Variants in BET1L observed in about 807,000 individuals in gnomAD.
The protein encoded by BET1L is BET1-like protein.
In BET1L, 13 loss-of-function variants were observed where a neutral mutation model predicts 12.6. The observed-to-expected ratio is 1.03, with a 90% CI of 0.67 to 1.64. BET1L has a LOEUF of 1.64. BET1L is among the 40% of genes most tolerant of loss of function. The pLI, the probability that BET1L is intolerant of heterozygous loss-of-function variation, is 0.00. For synonymous variants in BET1L, 60 were observed against 56.9 expected, an observed-to-expected ratio of 1.05 and a Z score of -0.25; for missense variants, 154 against 150.7, an observed-to-expected ratio of 1.02 and a Z score of -0.11.
At position 205,056 on chromosome 11, in the gene BET1L, C is replaced by CAGGGGGA; in HGVS notation, c.*245_*246insTCCCCCT. On this transcript the variant is annotated 3_prime_UTR_variant, in exon 4 of 4. Coordinates refer to ENST00000382762, the MANE Select transcript of BET1L (RefSeq NM_001098787.2). ...CCAGCTCTGCCTGGCTCTCTAGCACCTGGGGGAGGGGGGAGGGGCTGGGCC... is the reference window on the plus strand; with the variant it reads ...CCAGCTCTGCCTGGCTCTCTAGCACCAGGGGGATGGGGGAGGGGGGAGGGGCTGGGCC... 1 of 460,062 alleles carries CAGGGGGA rather than the reference C, an allele frequency of 2.2e-6. No individual in the cohort carries two copies. The highest frequency in any genetic ancestry group is 3.9e-6 in the Non-Finnish European group (1 of 257,032). 28.5% of individuals were successfully genotyped at this position (460,062 alleles called of 1,614,324 possible).
Position 207,274 on chromosome 11 carries a change from C to A in BET1L, c.19+29G>T, listed in dbSNP as rs1228463516. ...GGCGTCGGTTTCGGCCCGGCCCTGCCCCCAACGGCTCCGCTCTCCCGCGCT... is the reference window on the plus strand; with the variant it reads ...GGCGTCGGTTTCGGCCCGGCCCTGCACCCAACGGCTCCGCTCTCCCGCGCT... On this transcript the variant is annotated intron_variant, in intron 1 of 3. Transcript: ENST00000382762. The A allele has an allele frequency of 1.2e-5, 19 of 1,529,720 alleles. No homozygotes were observed. In the South Asian group the frequency reaches 2.3e-4, roughly 18 times the overall value. The allele number at this position is 1,529,720 out of a possible 1,614,324, so 94.8% of individuals were successfully genotyped here. A position where few individuals can be genotyped will look rare whatever the true frequency, so the allele number is the denominator to read the frequency against.
At position 204,489 on chromosome 11, in the gene BET1L, C is replaced by T. The variant is rs1324452742; in HGVS notation, c.*813G>A. The T allele has an allele frequency of 1.3e-5, 2 of 152,238 alleles. No homozygotes were observed. The highest frequency in any genetic ancestry group is 4.8e-5 in the African/African-American group (2 of 41,456). The allele number at this position is 152,238 out of a possible 1,614,324, so 9.4% of individuals were successfully genotyped here. ...ACCCACAGAAGCTCCCTGGCCCTGC[C>T]TGCTTTGCCTGACTCTGAAATGCCA... is the stretch of plus-strand genomic sequence containing the variant. On this transcript the variant is annotated 3_prime_UTR_variant, in exon 4 of 4. Coordinates refer to ENST00000382762, the MANE Select transcript of BET1L (RefSeq NM_001098787.2).
intron 3 of BET1L, 52 bp downstream of exon 3, chr11:205,559 A>T: frequency 1.9e-6 from 3 of 1,614,152 alleles, no homozygotes; most frequent in Non-Finnish European, 2.5e-6. Flanking sequence ...CAGGCTCTGC[A>T]GCAGGTAGTG....
In BET1L at chr11:207,285, C is replaced by A; in HGVS notation, c.19+18G>T. On this transcript the variant is annotated intron_variant, in intron 1 of 3. Coordinates refer to ENST00000382762, the MANE Select transcript of BET1L (RefSeq NM_001098787.2). ...CGGCCCGGCCCTGCCCCCAACGGCT[C>A]CGCTCTCCCGCGCTCACCCCGAGCC... is the stretch of plus-strand genomic sequence containing the variant. 6.5e-7 allele frequency: 1 copy of A among 1,535,520 alleles called. No homozygotes were observed. Among genetic ancestry groups the A allele is most frequent in the Non-Finnish European group, 8.7e-7 (1 of 1,148,590 alleles).
In BET1L at chr11:205,114, G is replaced by T. The variant is rs1045768169; in HGVS notation, c.*188C>A. 2.6e-5 allele frequency: 20 copies of T among 755,192 alleles called. No individual in the cohort carries two copies. The highest frequency in any genetic ancestry group is 8.0e-4 in the Middle Eastern group (2 of 2,498). 46.8% of individuals were successfully genotyped at this position (755,192 alleles called of 1,614,324 possible). A position where few individuals can be genotyped will look rare whatever the true frequency, so the allele number is the denominator to read the frequency against. ...CCCCGAGAGAGTCCCTTTCACACATGGGACCAGCCAACATGAGCTCATCAG... is the reference window on the plus strand; with the variant it reads ...CCCCGAGAGAGTCCCTTTCACACATTGGACCAGCCAACATGAGCTCATCAG... On this transcript the variant is annotated 3_prime_UTR_variant, in exon 4 of 4. Coordinates refer to ENST00000382762, the MANE Select transcript of BET1L (RefSeq NM_001098787.2).
Position 205,340 on chromosome 11 carries a change from A to G in BET1L, c.298T>C (p.Phe100Leu), listed in dbSNP as rs1855122893. The change falls in exon 4 of 4, where the codon TTC becomes CTC. Residue 100 changes from phenylalanine (F) to leucine (L), a missense_variant. Physicochemically the swap from Phe to Leu is conservative, Grantham distance 22 (BLOSUM62 0). Coordinates refer to ENST00000382762, the MANE Select transcript of BET1L (RefSeq NM_001098787.2). ...GMAVGLIVAF[F>L]ILSYFLSRAR... ...CTGGACAAGAAGTAGGAGAGGATGA[A>G]GAAGGCCACAATTAGACCCACGGCC... 6.2e-7 allele frequency: 1 copy of G among 1,614,010 alleles called. No homozygotes were observed. The highest frequency in any genetic ancestry group is 8.5e-7 in the Non-Finnish European group (1 of 1,179,946).
At position 205,129 on chromosome 11, in the gene BET1L, G is replaced by A; in HGVS notation, c.*173C>T. On this transcript the variant is annotated 3_prime_UTR_variant, in exon 4 of 4. Coordinates refer to ENST00000382762, the MANE Select transcript of BET1L (RefSeq NM_001098787.2). Reference sequence around the variant, plus strand: ...TTTCACACATGGGACCAGCCAACATGAGCTCATCAGGTCACAGGCAGCCGC... The same window carrying A: ...TTTCACACATGGGACCAGCCAACATAAGCTCATCAGGTCACAGGCAGCCGC... 2.3e-6 allele frequency: 2 copies of A among 854,348 alleles called. No individual in the cohort carries two copies. The highest frequency in any genetic ancestry group is 1.7e-6 in the Non-Finnish European group (1 of 572,248). The allele number at this position is 854,348 out of a possible 1,614,324, so 52.9% of individuals were successfully genotyped here.
At chr11:206,283 G>A (rs1010954646) in intron 1 of BET1L, among the ~76,000 whole-genome samples, 1 of 152,182 alleles carries the variant, frequency 6.6e-6, no homozygotes, top group African/African-American at 2.4e-5. Context: ...CAATGGGTTC[G>A]GTCCAACCAG....
intron 1 of BET1L, among the ~76,000 whole-genome samples, chr11:206,537 T>C (rs1855162545): frequency 6.6e-6 from 1 of 152,206 alleles, no homozygotes; most frequent in Non-Finnish European, 1.5e-5. Flanking sequence ...GGACAGAACA[T>C]TGGGAAGGCC....
At chr11:205,750 T>G in intron 2 of BET1L, 83 bp from the exon 3 acceptor site, 2 of 1,521,734 alleles carry the variant, frequency 1.3e-6, no homozygotes. Flanking sequence ...AGATAAACCC[T>G]GCCAACAACT....
intron 1 of BET1L, 139 bp from the exon 2 acceptor site, chr11:206,182 G>T: frequency 1.4e-6 from 1 of 689,850 alleles, no homozygotes; most frequent in Non-Finnish European, 2.5e-6. Context: ...TTGCACATGA[G>T]ACAGGCTGCA....
Position 205,637 on chromosome 11 carries a change from C to T in BET1L, c.142G>A (p.Asp48Asn), listed in dbSNP as rs1354895132. The part of the protein sequence containing the change: ...LALDIDRDAE[D>N]QNRYLDGMDS... ...ATGCCATCCAGGTACCGGTTCTGATCCTCTGCATCCCTATCGATGTCCAGG... is the reference window on the plus strand; with the variant it reads ...ATGCCATCCAGGTACCGGTTCTGATTCTCTGCATCCCTATCGATGTCCAGG... The change falls in exon 3 of 4, where the codon GAT (aspartate) becomes AAT (asparagine). Residue 48 changes from aspartate (D) to asparagine (N), a missense_variant. Transcript: ENST00000382762. 1 of 1,612,516 alleles carries T rather than the reference C, an allele frequency of 6.2e-7. No homozygotes were observed. Among genetic ancestry groups the T allele is most frequent in the Admixed American group, 1.7e-5 (1 of 60,004 alleles).
Position 207,342 on chromosome 11 carries a change from C to G in BET1L, c.-21G>C. The stretch of plus-strand genomic sequence containing the variant: ...GCCATCGTGCCCTGCCCCGGCTCCT[C>G]GACGCGGACACCGACGCGGCCACAG... On this transcript the variant is annotated 5_prime_UTR_variant, in exon 1 of 4. Transcript: ENST00000382762. The G allele has an allele frequency of 6.4e-7, 1 of 1,551,582 alleles. No individual in the cohort carries two copies. The highest frequency in any genetic ancestry group is 8.6e-7 in the Non-Finnish European group (1 of 1,156,594).
chr11:205,470 C>T lies in BET1L; in HGVS notation c.169-1G>A, dbSNP rs1000464743. On this transcript the variant is annotated splice_acceptor_variant, in intron 3 of 3. Transcript: ENST00000382762. LOFTEE classifies it high-confidence loss of function. ...TGGTCATGCTTGTGAAATCCGAGTC[C>T]TAAGGGAGGAATCCCAGCAAGATCA... 6.2e-7 allele frequency: 1 copy of T among 1,614,106 alleles called. No homozygotes were observed. The highest frequency in any genetic ancestry group is 1.7e-5 in the Admixed American group (1 of 60,014).
chr11:207,371 C>CCTCAGACGTGGCCACAGCCGT lies in BET1L; in HGVS notation c.-51_-50insACGGCTGTGGCCACGTCTGAG, dbSNP rs1388760985. On this transcript the variant is annotated 5_prime_UTR_variant, in exon 1 of 4. Coordinates refer to ENST00000382762, the MANE Select transcript of BET1L (RefSeq NM_001098787.2). ...GCGGACACCGACGCGGCCACAGCCG[C>CCTCAGACGTGGCCACAGCCGT]CTCAGACGTGGCGCAGTCGCGGGGA... is the stretch of plus-strand genomic sequence containing the variant. The CCTCAGACGTGGCCACAGCCGT allele has an allele frequency of 9.8e-6, 15 of 1,528,680 alleles. No homozygotes were observed. The highest frequency in any genetic ancestry group is 1.4e-5 in the African/African-American group (1 of 71,168). 94.7% of individuals were successfully genotyped at this position (1,528,680 alleles called of 1,614,324 possible).
Position 206,102 on chromosome 11 carries a change from TCTCA to T in BET1L, c.20-63_20-60del, listed in dbSNP as rs567749444. 1,087 of 1,476,404 alleles carry T rather than the reference TCTCA, an allele frequency of 7.4e-4. 10 individuals are homozygous for T. In the African/African-American group the frequency reaches 0.011, roughly 15 times the overall value. 91.5% of individuals were successfully genotyped at this position (1,476,404 alleles called of 1,614,324 possible). A position where few individuals can be genotyped will look rare whatever the true frequency, so the allele number is the denominator to read the frequency against. On this transcript the variant is annotated intron_variant, in intron 1 of 3. Coordinates refer to ENST00000382762, the MANE Select transcript of BET1L (RefSeq NM_001098787.2). ...ATCGGTGAGCACGGCCCCTGACCCC[TCTCA>T]CTCCAACCACATCTGGGTGAGTCAG... is the stretch of plus-strand genomic sequence containing the variant.
Position 205,656 on chromosome 11 carries a change from G to A in BET1L, c.123C>T (p.Asp41=), listed in dbSNP as rs1855131350. The A allele has an allele frequency of 6.2e-7, 1 of 1,610,272 alleles. No homozygotes were observed. Among genetic ancestry groups the A allele is most frequent in the Non-Finnish European group, 8.5e-7 (1 of 1,178,270 alleles). Residue 41 remains aspartate, a synonymous_variant, in exon 3 of 4, where the codon GAC becomes GAT. Coordinates refer to ENST00000382762, the MANE Select transcript of BET1L (RefSeq NM_001098787.2). ...KVTRLKSLAL[D]IDRDAEDQNR... ...TCTGATCCTCTGCATCCCTATCGAT[G>A]TCCAGGGCGAGCTGTTCAGCAGACA...
intron 2 of BET1L, 120 bp downstream of exon 2, chr11:205,832 C>A (rs1216860089): frequency 2.1e-6 from 3 of 1,440,568 alleles, no homozygotes; most frequent in African/African-American, 2.8e-5. Flanking sequence ...CAGGTGAGCA[C>A]AGCCACGAAT....
intron 2 of BET1L, 127 bp downstream of exon 2, chr11:205,825 G>T: frequency 7.0e-7 from 1 of 1,433,856 alleles, no homozygotes; most frequent in Non-Finnish European, 9.6e-7. Context: ...CCTCATGCAG[G>T]TGAGCACAGC....
Sources: allele counts gnomAD v4.1 joint callset (sites outside exome capture counted in the v4.1 genomes callset), GRCh38; gene constraint gnomAD v4.1.1; transcripts MANE v1.5; gene names NCBI Gene and HGNC (gene_info 2026-07-23, HGNC 2026-07-21).